Variants in GREM2 observed in about 807,000 individuals in gnomAD.
The protein encoded by GREM2 is gremlin-2.
Under a neutral mutation model 14.2 loss-of-function variants are expected in GREM2, and 11 were observed. The observed-to-expected ratio is 0.78, with a 90% CI of 0.49 to 1.28. GREM2 has a LOEUF of 1.28. GREM2 is among the 50% of genes most tolerant of loss of function. The probability of loss-of-function intolerance (pLI) is 0.00; values close to 1 mark genes in which losing one functional copy is unlikely to be tolerated. For missense variants in GREM2, 210 were observed against 218.5 expected (o/e 0.96, Z 0.24); for synonymous variants, 98 against 97.6 (o/e 1.00, Z -0.02).
chr1:240,507,076 C>G (rs1372579630), intron 1 of GREM2, among the ~76,000 whole-genome samples: 1 of 152,156 alleles, frequency 6.6e-6, no homozygotes, highest in Admixed American at 6.6e-5. Context: ...TGGTTTTGGG[C>G]AGGGCAGGGA....
intron 1 of GREM2, among the ~76,000 whole-genome samples, chr1:240,571,788 C>A (rs1679267378): frequency 6.6e-6 from 1 of 152,178 alleles, no homozygotes; most frequent in African/African-American, 2.4e-5. Context: ...ATAAACTTTT[C>A]AGGGGTGCTT....
intron 1 of GREM2, among the ~76,000 whole-genome samples, chr1:240,497,243 T>TA (rs150042547): frequency 2.8e-4 from 42 of 152,248 alleles, no homozygotes; most frequent in African/African-American, 8.9e-4. Context: ...GCATTCTTTT[T>TA]AAAAAAAGTT....
intron 1 of GREM2, among the ~76,000 whole-genome samples, chr1:240,560,636 C>T (rs1679020133): frequency 6.6e-6 from 1 of 152,104 alleles, no homozygotes; most frequent in South Asian, 2.1e-4. Flanking sequence ...ATTAAAATTT[C>T]TTTATTGAAT....
intron 1 of GREM2, among the ~76,000 whole-genome samples, chr1:240,545,989 C>T (rs774806468): frequency 2.6e-5 from 4 of 152,076 alleles, no homozygotes; most frequent in Non-Finnish European, 1.5e-5. Context: ...TAATTAACAA[C>T]GGTTAATTTT....
chr1:240,563,067 A>ATGTGTGTATATGTGAG (rs1679098631), intron 1 of GREM2, among the ~76,000 whole-genome samples: 1 of 140,578 alleles, frequency 7.1e-6, no homozygotes, highest in African/African-American at 2.7e-5. Flanking sequence ...GTGAGTGTGT[A>ATGTGTGTATATGTGAG]TGTGTGTATA....
At chr1:240,495,805 G>T (rs1048233331) in intron 1 of GREM2, among the ~76,000 whole-genome samples, 2 of 152,168 alleles carry the variant, frequency 1.3e-5, no homozygotes, top group Non-Finnish European at 2.9e-5. Context: ...ACCACAAGAG[G>T]CCTTTGCATG....
At chr1:240,593,371 C>T (rs1385109932) in intron 1 of GREM2, among the ~76,000 whole-genome samples, 2 of 151,708 alleles carry the variant, frequency 1.3e-5, no homozygotes, top group Non-Finnish European at 2.9e-5. Flanking sequence ...GAGCTATGAG[C>T]TCAGGCCTTC....
intron 1 of GREM2, among the ~76,000 whole-genome samples, chr1:240,609,683 C>T (rs901780823): frequency 1.1e-4 from 16 of 152,110 alleles, no homozygotes; most frequent in African/African-American, 3.6e-4. Context: ...ATTGCTGTAG[C>T]AACACTGAAG....
chr1:240,587,797 T>C (rs1479081675), intron 1 of GREM2, among the ~76,000 whole-genome samples: 1 of 152,206 alleles, frequency 6.6e-6, no homozygotes, highest in East Asian at 1.9e-4. Flanking sequence ...TCTGTGTTTT[T>C]ATTGTGAAAG....
In GREM2 at chr1:240,581,536, A is replaced by G. The variant is rs183225977; in HGVS notation, c.-2+30348T>C. Among the ~76,000 whole-genome samples, 11 of 152,342 alleles carry G rather than the reference A, an allele frequency of 7.2e-5. No individual in the cohort carries two copies. In the East Asian group the frequency reaches 2.1e-3, roughly 29 times the overall value. ...AGATGGGGTTTTATAATTTTATAAC[A>G]AAGTCATTAAAATCAAAATGAGTAA... On this transcript the variant is annotated intron_variant, in intron 1 of 1. Coordinates refer to ENST00000318160, the MANE Select transcript of GREM2 (RefSeq NM_022469.4).
chr1:240,562,284 C>T (rs1024917778), intron 1 of GREM2, among the ~76,000 whole-genome samples: 3 of 152,158 alleles, frequency 2.0e-5, no homozygotes, highest in African/African-American at 7.2e-5. Flanking sequence ...CTTTTGTGAA[C>T]TGTATGACCC....
rs553481988 is a variant in GREM2 at position 240,582,579 on chromosome 1, G to A, written c.-2+29305C>T. Among the ~76,000 whole-genome samples the A allele has an allele frequency of 5.1e-4, 77 of 151,848 alleles. 2 individuals carry two copies. The highest frequency in any genetic ancestry group is 3.1e-3 in the South Asian group (15 of 4,800). On this transcript the variant is annotated intron_variant, in intron 1 of 1. Coordinates refer to ENST00000318160, the MANE Select transcript of GREM2 (RefSeq NM_022469.4). ...GGGAGGCCGAGACAGGTGGATCACC[G>A]GAGGTCAGGAGTTCAAGACCAGCCT...
At chr1:240,604,469 G>T (rs1679989635) in intron 1 of GREM2, among the ~76,000 whole-genome samples, 1 of 152,112 alleles carries the variant, frequency 6.6e-6, no homozygotes, top group African/African-American at 2.4e-5. Context: ...GTGATATTTT[G>T]AGACTCTGGT....
At chr1:240,573,570 C>T (rs1172643422) in intron 1 of GREM2, among the ~76,000 whole-genome samples, 7 of 152,184 alleles carry the variant, frequency 4.6e-5, no homozygotes, top group South Asian at 2.1e-4. Context: ...ACGCCAGAGG[C>T]GCTCTGGTCT....
chr1:240,514,968 A>G (rs972637995), intron 1 of GREM2, among the ~76,000 whole-genome samples: 2 of 152,068 alleles, frequency 1.3e-5, no homozygotes, highest in Non-Finnish European at 2.9e-5. Context: ...ACAAACACAA[A>G]AAAAAAACTG....
intron 1 of GREM2, among the ~76,000 whole-genome samples, chr1:240,594,091 C>A (rs1679767380): frequency 6.6e-6 from 1 of 151,876 alleles, no homozygotes; most frequent in South Asian, 2.1e-4. Context: ...GTAGCTGGGA[C>A]CACAGGCACA....
rs145943584 is a variant in GREM2 at position 240,492,940 on chromosome 1, G to T, written c.*29C>A. On this transcript the variant is annotated 3_prime_UTR_variant, in exon 2 of 2. Coordinates refer to ENST00000318160, the MANE Select transcript of GREM2 (RefSeq NM_022469.4). ...GGCGCCACCCAGCGGCCGGGCGCGC[G>T]CGGGGCTGAGCTGCGTCCGGCCCGG... is the stretch of plus-strand genomic sequence containing the variant. 2.0e-3 allele frequency: 2,889 copies of T among 1,431,386 alleles called. 28 individuals carry two copies. In the African/African-American group the frequency reaches 0.029, roughly 15 times the overall value. 88.7% of individuals were successfully genotyped at this position (1,431,386 alleles called of 1,614,324 possible). A position where few individuals can be genotyped will look rare whatever the true frequency, so the allele number is the denominator to read the frequency against.
intron 1 of GREM2, among the ~76,000 whole-genome samples, chr1:240,568,233 G>A (rs111676559): frequency 0.011 from 1,628 of 152,182 alleles, 32 homozygotes; most frequent in African/African-American, 0.037. Context: ...GGGCTCTTAC[G>A]TTATGTATAG....
At chr1:240,537,595 G>A (rs1678500931) in intron 1 of GREM2, among the ~76,000 whole-genome samples, 1 of 152,148 alleles carries the variant, frequency 6.6e-6, no homozygotes, top group Non-Finnish European at 1.5e-5. Flanking sequence ...GACCATCCTG[G>A]CCAACATGGT....
Sources: allele counts gnomAD v4.1 joint callset (sites outside exome capture counted in the v4.1 genomes callset), GRCh38; gene constraint gnomAD v4.1.1; transcripts MANE v1.5; gene names NCBI Gene and HGNC (gene_info 2026-07-23, HGNC 2026-07-21).